Variants in BCKDHB observed in about 807,000 individuals in gnomAD.
The protein encoded by BCKDHB is 2-oxoisovalerate dehydrogenase subunit beta, mitochondrial.
BCKDHB carries 41 observed loss-of-function variants against 48.5 expected under a neutral mutation model. The observed-to-expected ratio is 0.85, with a 90% CI of 0.66 to 1.10. The LOEUF (loss-of-function observed/expected upper bound fraction) is 1.10, where lower values mean the gene tolerates loss of function less well. Ranked by LOEUF, BCKDHB falls within the 50% of genes least tolerant of loss-of-function variation. BCKDHB has a pLI of 0.00. For synonymous variants in BCKDHB, 201 were observed against 174.8 expected, an observed-to-expected ratio of 1.15 and a Z score of -1.18; for missense variants, 496 against 494.2, an observed-to-expected ratio of 1.00 and a Z score of -0.03.
chr6:80,133,576 A>G (rs1186463468), intron 3 of BCKDHB, among the ~76,000 whole-genome samples: 3 of 152,064 alleles, frequency 2.0e-5, no homozygotes, highest in Non-Finnish European at 4.4e-5. Context: ...GGAGTGGGAG[A>G]GGGCAGTTAA....
At chr6:80,360,392 G>C in the BCKDHB span, among the ~76,000 whole-genome samples, 1 of 152,184 alleles carries the variant, frequency 6.6e-6, no homozygotes, top group Non-Finnish European at 1.5e-5. Context: ...AAGGAATCCT[G>C]ACTTATTCAT....
At chr6:80,282,121 A>G (rs367795302) in intron 9 of BCKDHB, among the ~76,000 whole-genome samples, 8 of 152,326 alleles carry the variant, frequency 5.3e-5, no homozygotes, top group African/African-American at 1.2e-4. Flanking sequence ...AAATGTCAAT[A>G]CGGAAATTAA....
At chr6:80,397,884 A>C in the BCKDHB span, among the ~76,000 whole-genome samples, 1 of 152,154 alleles carries the variant, frequency 6.6e-6, no homozygotes, top group Non-Finnish European at 1.5e-5. Context: ...TCTCAAAAAC[A>C]AACCAACAAA....
At chr6:80,145,167 C>T (rs1771420376) in intron 3 of BCKDHB, among the ~76,000 whole-genome samples, 1 of 152,134 alleles carries the variant, frequency 6.6e-6, no homozygotes, top group Non-Finnish European at 1.5e-5. Flanking sequence ...TGTTTTTTCC[C>T]TTCCAGATCA....
intron 8 of BCKDHB, among the ~76,000 whole-genome samples, chr6:80,272,843 A>G (rs1777806189): frequency 6.6e-6 from 1 of 152,168 alleles, no homozygotes; most frequent in Non-Finnish European, 1.5e-5. Context: ...TTATAACACA[A>G]ACGTATCTTA....
intron 1 of BCKDHB, among the ~76,000 whole-genome samples, chr6:80,119,569 C>G (rs929244630): frequency 2.0e-5 from 3 of 152,100 alleles, no homozygotes; most frequent in Non-Finnish European, 4.4e-5. Context: ...GATCCGCACC[C>G]CCCTTGGCCT....
chr6:80,158,002 C>G (rs1772134409), intron 3 of BCKDHB, among the ~76,000 whole-genome samples: 1 of 152,094 alleles, frequency 6.6e-6, no homozygotes, highest in South Asian at 2.1e-4. Context: ...GTCTTTTAAG[C>G]TTGTTCATTC....
intron 9 of BCKDHB, among the ~76,000 whole-genome samples, chr6:80,309,916 C>T (rs2127996164): frequency 6.6e-6 from 1 of 152,232 alleles, no homozygotes; most frequent in Non-Finnish European, 1.5e-5. Context: ...CATGTGTACT[C>T]AATGTTTAAC....
chr6:80,381,704 T>C, the BCKDHB span, among the ~76,000 whole-genome samples: 1 of 152,230 alleles, frequency 6.6e-6, no homozygotes, highest in African/African-American at 2.4e-5. Context: ...CTGCATTACT[T>C]TTCTGTGAAG....
At chr6:80,310,256 C>T (rs748661121) in intron 9 of BCKDHB, among the ~76,000 whole-genome samples, 17 of 152,222 alleles carry the variant, frequency 1.1e-4, no homozygotes, top group South Asian at 6.2e-4. Flanking sequence ...CCTCCTCCAA[C>T]CCAAAGCCCT....
At chr6:80,131,503 C>A (rs1242194886) in intron 3 of BCKDHB, among the ~76,000 whole-genome samples, 2 of 152,114 alleles carry the variant, frequency 1.3e-5, no homozygotes, top group Non-Finnish European at 2.9e-5. Flanking sequence ...TAAGATCTTT[C>A]ATTTTTCTCT....
the BCKDHB span, among the ~76,000 whole-genome samples, chr6:80,390,638 G>T: frequency 2.0e-5 from 3 of 151,932 alleles, no homozygotes; most frequent in Non-Finnish European, 4.4e-5. Context: ...GTGCGTTTCC[G>T]GTTGTACGGA....
intron 8 of BCKDHB, among the ~76,000 whole-genome samples, chr6:80,269,096 A>G (rs888485565): frequency 6.6e-6 from 1 of 152,126 alleles, no homozygotes; most frequent in Non-Finnish European, 1.5e-5. Flanking sequence ...TTGAGTGTCT[A>G]CAATGTTCAG....
chr6:80,280,831 A>T (rs1027298143), intron 9 of BCKDHB, among the ~76,000 whole-genome samples: 1 of 152,114 alleles, frequency 6.6e-6, no homozygotes, highest in African/African-American at 2.4e-5. Flanking sequence ...AGAAAGGTGA[A>T]TTTTTCAGAT....
At chr6:80,197,097 TG>T (rs1207259113) in intron 6 of BCKDHB, among the ~76,000 whole-genome samples, 1 of 152,196 alleles carries the variant, frequency 6.6e-6, no homozygotes, top group East Asian at 1.9e-4. Flanking sequence ...TGACTCTGTG[TG>T]GTGCTCTTTA....
chr6:80,171,629 A>C (rs4424040), intron 6 of BCKDHB, among the ~76,000 whole-genome samples: 1 of 152,108 alleles, frequency 6.6e-6, no homozygotes, highest in African/African-American at 2.4e-5. Flanking sequence ...TGGTAGCAAC[A>C]ATAAAGGGAC....
At chr6:80,200,724 A>G (rs1774350286) in intron 6 of BCKDHB, among the ~76,000 whole-genome samples, 1 of 152,098 alleles carries the variant, frequency 6.6e-6, no homozygotes, top group African/African-American at 2.4e-5. Flanking sequence ...GATAGCTGAT[A>G]TGTTTTATAC....
At chr6:80,300,739 A>G (rs942801052) in intron 9 of BCKDHB, among the ~76,000 whole-genome samples, 1 of 152,222 alleles carries the variant, frequency 6.6e-6, no homozygotes, top group Admixed American at 6.5e-5. Context: ...AGATTCTAAG[A>G]GCAACCACAT....
the BCKDHB span, among the ~76,000 whole-genome samples, chr6:80,445,537 T>C: frequency 6.6e-6 from 1 of 152,146 alleles, no homozygotes; most frequent in Non-Finnish European, 1.5e-5. Context: ...TAATCACAAC[T>C]GTAAATATAT....
Sources: gnomAD v4.1 joint callset for allele counts (sites outside exome capture counted in the v4.1 genomes callset) on GRCh38, gnomAD v4.1.1 for gene constraint, MANE v1.5 for transcripts, NCBI Gene and HGNC (gene_info 2026-07-23, HGNC 2026-07-21) for gene names.